WNK2: variants seen among roughly 807,000 people sequenced by gnomAD.
WNK2 encodes WNK lysine deficient protein kinase 2, also known as serine/threonine-protein kinase WNK2.
Under a neutral mutation model 192.1 loss-of-function variants are expected in WNK2, and 67 were observed. The ratio of observed to expected loss-of-function variants is 0.35; its 90% CI spans 0.29 to 0.43. WNK2 has a LOEUF of 0.43. Among genes scored for constraint, WNK2 ranks in the 20% least tolerant of loss-of-function variants. The pLI is 1.00. For missense variants in WNK2, 2,698 were observed against 3,089.7 expected, an observed-to-expected ratio of 0.87 and a Z score of 3.01; for synonymous variants, 1,439 against 1,393.9, an observed-to-expected ratio of 1.03 and a Z score of -0.72.
chr9:93,261,913 G>A lies in WNK2; in HGVS notation c.3166G>A (p.Glu1056Lys). Residue 1056 changes from glutamate to lysine, a missense_variant, in exon 13 of 30, where the codon GAA becomes AAA. Glu to Lys is a moderately conservative substitution (Grantham distance 56). Around this residue, in one of 7 missense-constraint regions of WNK2, gnomAD observed 893 missense variants for 909.0 expected, o/e 0.98. Transcript: ENST00000427277. ...PAAVLSPPLP[E>K]VLLPAAPELL... Reference sequence around the variant, plus strand: ...TGCGGTCCTCTCGCCGCCTCTGCCGGAAGTGCTGCTGCCTGCCGCCCCTGA... The same window carrying A: ...TGCGGTCCTCTCGCCGCCTCTGCCGAAAGTGCTGCTGCCTGCCGCCCCTGA... The A allele has an allele frequency of 3.1e-6, 5 of 1,607,648 alleles. No homozygotes were observed. The highest frequency in any genetic ancestry group is 4.2e-6 in the Non-Finnish European group (5 of 1,179,746).
rs756849313 is a variant in WNK2 at position 93,288,830 on chromosome 9, C to T, written c.4076C>T (p.Pro1359Leu). 6.2e-7 allele frequency: 1 copy of T among 1,612,408 alleles called. No individual in the cohort carries two copies. The highest frequency in any genetic ancestry group is 8.5e-7 in the Non-Finnish European group (1 of 1,179,708). Residue 1359 changes from proline to leucine, a missense_variant, in exon 20 of 30, where the codon CCC becomes CTC. Around this residue, in one of 7 missense-constraint regions of WNK2, gnomAD observed 1,098 missense variants for 1,101.0 expected, o/e 1.00. Coordinates refer to ENST00000427277, the MANE Select transcript of WNK2 (RefSeq NM_006648.4). ...YKDQLSSKEQ[P>L]SFLASQQLLS... is the part of the protein sequence containing the mutation. ...GACCAGCTGTCCTCGAAGGAACAACCCAGCTTTCTAGCCAGTCAGCAGCTC... is the reference window on the plus strand; with the variant it reads ...GACCAGCTGTCCTCGAAGGAACAACTCAGCTTTCTAGCCAGTCAGCAGCTC...
intron 19 of WNK2, among the ~76,000 whole-genome samples, chr9:93,270,042 C>T (rs950304797): frequency 6.6e-6 from 1 of 152,224 alleles, no homozygotes; most frequent in Non-Finnish European, 1.5e-5. Flanking sequence ...GAGCATCTCC[C>T]ATTCCTGCAG....
At chr9:93,310,699 G>A (rs1002075032) in intron 28 of WNK2, among the ~76,000 whole-genome samples, 2 of 152,170 alleles carry the variant, frequency 1.3e-5, no homozygotes, top group African/African-American at 4.8e-5. Flanking sequence ...ACTACTCTAA[G>A]TACCTCATAG....
intron 8 of WNK2, among the ~76,000 whole-genome samples, chr9:93,251,412 C>G (rs1347798566): frequency 6.6e-6 from 1 of 152,066 alleles, no homozygotes; most frequent in Non-Finnish European, 1.5e-5. Context: ...CCACCATGCC[C>G]GGCACATATT....
At chr9:93,295,226 G>A (rs766960191) in intron 23 of WNK2, among the ~76,000 whole-genome samples, 3 of 152,212 alleles carry the variant, frequency 2.0e-5, no homozygotes, top group East Asian at 1.9e-4. Flanking sequence ...ATGTGGGTGC[G>A]GCCTCGGAGC....
chr9:93,228,283 A>C (rs948831070), intron 2 of WNK2, among the ~76,000 whole-genome samples: 4 of 152,138 alleles, frequency 2.6e-5, no homozygotes, highest in African/African-American at 9.7e-5. Flanking sequence ...TTTTTTTACC[A>C]AGATGACCCT....
At chr9:93,220,567 G>T (rs761601282) in intron 2 of WNK2, among the ~76,000 whole-genome samples, 1 of 152,156 alleles carries the variant, frequency 6.6e-6, no homozygotes, top group Non-Finnish European at 1.5e-5. Context: ...ACTGGATGGC[G>T]TGTCACTGCT....
At chr9:93,252,039 T>C (rs761819702) in intron 8 of WNK2, among the ~76,000 whole-genome samples, 1 of 152,154 alleles carries the variant, frequency 6.6e-6, no homozygotes, top group Non-Finnish European at 1.5e-5. Flanking sequence ...GCGAAAATAG[T>C]GTGGCGTTTG....
intron 19 of WNK2, among the ~76,000 whole-genome samples, chr9:93,274,191 G>A (rs1468772388): frequency 6.6e-6 from 1 of 152,156 alleles, no homozygotes; most frequent in East Asian, 1.9e-4. Flanking sequence ...TAAACCTCTA[G>A]CAAGACTGCA....
intron 2 of WNK2, among the ~76,000 whole-genome samples, chr9:93,225,862 C>T (rs1435863256): frequency 1.3e-5 from 2 of 152,192 alleles, no homozygotes; most frequent in East Asian, 3.9e-4. Context: ...CAGCTTCCTT[C>T]ACCCCCAGGG....
intron 2 of WNK2, among the ~76,000 whole-genome samples, chr9:93,220,050 G>A (rs1836549763): frequency 6.6e-6 from 1 of 152,222 alleles, no homozygotes; most frequent in South Asian, 2.1e-4. Flanking sequence ...GTTGGGGAGG[G>A]AGTCTTGGTT....
intron 19 of WNK2, among the ~76,000 whole-genome samples, chr9:93,287,718 T>C (rs1848656697): frequency 6.6e-6 from 1 of 152,144 alleles, no homozygotes; most frequent in Non-Finnish European, 1.5e-5. Context: ...CACCTTTTAT[T>C]TTTTGAACAG....
chr9:93,293,246 C>G, intron 23 of WNK2, 73 bp downstream of exon 23: 1 of 1,364,498 alleles, frequency 7.3e-7, no homozygotes, highest in Non-Finnish European at 9.5e-7. Flanking sequence ...TGAGGGAACC[C>G]TGGTGCCGGG....
chr9:93,297,413 G>T lies in WNK2; in HGVS notation c.5709-440G>T, dbSNP rs529709318. The stretch of plus-strand genomic sequence containing the variant: ...TGACTTCTTCATGCCGTGTTGCATT[G>T]GTCTGAGCTGCCTTCCACTGTCTGT... On this transcript the variant is annotated intron_variant, in intron 23 of 29. Coordinates refer to ENST00000427277, the MANE Select transcript of WNK2 (RefSeq NM_006648.4). Among the ~76,000 whole-genome samples, 4 of 152,260 alleles carry T rather than the reference G, an allele frequency of 2.6e-5. 1 individual carries two copies. Among genetic ancestry groups the T allele is most frequent in the African/African-American group, 9.6e-5 (4 of 41,556 alleles).
At chr9:93,261,585 C>T (rs1430165206) in intron 12 of WNK2, among the ~76,000 whole-genome samples, 3 of 152,232 alleles carry the variant, frequency 2.0e-5, no homozygotes, top group Admixed American at 2.0e-4. Context: ...GGCCTTTGCA[C>T]ACAAGTAGAC....
intron 2 of WNK2, among the ~76,000 whole-genome samples, chr9:93,225,637 G>A (rs956782897): frequency 9.9e-5 from 15 of 152,206 alleles, no homozygotes; most frequent in Admixed American, 5.2e-4. Flanking sequence ...CATTTAGAAC[G>A]TGAACATTTT....
chr9:93,220,147 G>GTA (rs1317158875), intron 2 of WNK2, among the ~76,000 whole-genome samples: 1 of 152,182 alleles, frequency 6.6e-6, no homozygotes, highest in Admixed American at 6.6e-5. Context: ...GGAGGCAGGT[G>GTA]TACCACCCAG....
At chr9:93,297,110 T>C (rs570264617) in intron 23 of WNK2, among the ~76,000 whole-genome samples, 1,461 of 129,042 alleles carry the variant, frequency 0.011, 18 homozygotes, top group Middle Eastern at 0.018. Flanking sequence ...TTCCTCCCCT[T>C]GGCGTCCTCC....
chr9:93,219,601 C>T (rs1274298451), intron 2 of WNK2, among the ~76,000 whole-genome samples: 1 of 152,192 alleles, frequency 6.6e-6, no homozygotes, highest in African/African-American at 2.4e-5. Flanking sequence ...GCTGGGCAGG[C>T]GCCTACTCAG....
Sources: gnomAD v4.1 joint callset for allele counts (sites outside exome capture counted in the v4.1 genomes callset) on GRCh38, gnomAD v4.1.1 for gene constraint, gnomAD v4.1.1 regional missense constraint, MANE v1.5 for transcripts, NCBI Gene and HGNC (gene_info 2026-07-23, HGNC 2026-07-21) for gene names.